SHANK2: variants seen among roughly 807,000 people sequenced by gnomAD.
SHANK2 encodes the protein SH3 and multiple ankyrin repeat domains 2.
In SHANK2, 43 loss-of-function variants were observed where a neutral mutation model predicts 133.7. That is an observed-to-expected ratio of 0.32 (90% confidence interval 0.25 to 0.41). SHANK2 has a LOEUF of 0.41. Ranked by LOEUF, SHANK2 falls within the 10% of genes least tolerant of loss-of-function variation. The pLI is 1.00. For missense variants in SHANK2, 1,994 were observed against 2,235.8 expected (o/e 0.89, Z 2.18); for synonymous variants, 1,017 against 952.8 (o/e 1.07, Z -1.24).
At chr11:70,847,250 G>C (rs1949010955) in intron 11 of SHANK2, among the ~76,000 whole-genome samples, 1 of 152,190 alleles carries the variant, frequency 6.6e-6, no homozygotes, top group Admixed American at 6.5e-5. Context: ...CCCCGCGGGA[G>C]GCCGTCCCTC....
At chr11:70,552,380 G>A (rs1230983767) in intron 17 of SHANK2, among the ~76,000 whole-genome samples, 15 of 152,212 alleles carry the variant, frequency 9.9e-5, no homozygotes, top group Admixed American at 2.6e-4. Flanking sequence ...CGTGCACCAA[G>A]CTCAGGGAGA....
At chr11:70,900,809 A>G (rs1177483843) in intron 10 of SHANK2, among the ~76,000 whole-genome samples, 1 of 152,168 alleles carries the variant, frequency 6.6e-6, no homozygotes, top group Non-Finnish European at 1.5e-5. Context: ...GGTTCCCAGT[A>G]AAAGTCTTCT....
chr11:70,713,872 G>A (rs1353319430), intron 14 of SHANK2, among the ~76,000 whole-genome samples: 1 of 152,262 alleles, frequency 6.6e-6, no homozygotes, highest in Non-Finnish European at 1.5e-5. Context: ...GGCCTCTGCT[G>A]TACAGGTGAA....
At chr11:70,549,797 G>C (rs1350252557) in intron 17 of SHANK2, among the ~76,000 whole-genome samples, 1 of 152,270 alleles carries the variant, frequency 6.6e-6, no homozygotes, top group East Asian at 1.9e-4. Context: ...GGTGCTCGAG[G>C]AAACAGAGCT....
intron 1 of SHANK2, among the ~76,000 whole-genome samples, chr11:71,230,730 T>A (rs1412011775): frequency 6.6e-6 from 1 of 151,880 alleles, no homozygotes; most frequent in Non-Finnish European, 1.5e-5. Context: ...GACAGGCACA[T>A]AGCAATAGAA....
intron 11 of SHANK2, among the ~76,000 whole-genome samples, chr11:70,877,329 T>G (rs1225389035): frequency 6.6e-6 from 1 of 152,226 alleles, no homozygotes; most frequent in Admixed American, 6.5e-5. Flanking sequence ...TGACCTCACA[T>G]AAGCCAAGAG....
At chr11:71,173,932 C>T (rs1402902502) in intron 2 of SHANK2, among the ~76,000 whole-genome samples, 2 of 152,192 alleles carry the variant, frequency 1.3e-5, no homozygotes, top group African/African-American at 2.4e-5. Flanking sequence ...GAAGTGAGCA[C>T]GGCCCTGCCG....
chr11:70,732,173 C>T (rs906360312), intron 14 of SHANK2, among the ~76,000 whole-genome samples: 43 of 152,258 alleles, frequency 2.8e-4, no homozygotes, highest in African/African-American at 9.9e-4. Context: ...TGTAACTCGC[C>T]CAACATCACA....
At chr11:71,197,019 A>C (rs1953919223) in intron 2 of SHANK2, among the ~76,000 whole-genome samples, 2 of 139,100 alleles carry the variant, frequency 1.4e-5, no homozygotes, top group East Asian at 2.3e-4. Flanking sequence ...AAAAAAAAAA[A>C]CCCATCCCTG....
chr11:70,689,196 CAG>C (rs1945223408), intron 15 of SHANK2, among the ~76,000 whole-genome samples: 1 of 152,144 alleles, frequency 6.6e-6, no homozygotes, highest in Admixed American at 6.5e-5. Flanking sequence ...TGGACAGTAA[CAG>C]TGTGATTGAC....
intron 10 of SHANK2, among the ~76,000 whole-genome samples, chr11:70,930,351 G>A (rs1950485332): frequency 6.6e-6 from 1 of 152,106 alleles, no homozygotes; most frequent in Non-Finnish European, 1.5e-5. Flanking sequence ...GAAGAAACTG[G>A]GGCAAATTGA....
chr11:71,165,872 A>G (rs1445117425), intron 2 of SHANK2, among the ~76,000 whole-genome samples: 1 of 152,104 alleles, frequency 6.6e-6, no homozygotes, highest in African/African-American at 2.4e-5. Flanking sequence ...CCAACTCCTC[A>G]GGACCCAGTG....
intron 11 of SHANK2, among the ~76,000 whole-genome samples, chr11:70,829,649 G>A (rs1005318587): frequency 6.6e-6 from 1 of 152,074 alleles, no homozygotes; most frequent in Non-Finnish European, 1.5e-5. Flanking sequence ...GACACAAGAC[G>A]ATTTGAGGAA....
intron 2 of SHANK2, among the ~76,000 whole-genome samples, chr11:71,152,403 C>T (rs1416948861): frequency 6.6e-6 from 1 of 152,164 alleles, no homozygotes; most frequent in Non-Finnish European, 1.5e-5. Flanking sequence ...CGTGAGCCAC[C>T]GCGCCTGGCC....
chr11:70,800,317 C>T (rs557948171), intron 13 of SHANK2, among the ~76,000 whole-genome samples: 8 of 152,362 alleles, frequency 5.3e-5, no homozygotes, highest in South Asian at 4.1e-4. Context: ...TGAGCCACTG[C>T]GCCGGTCTGT....
intron 1 of SHANK2, among the ~76,000 whole-genome samples, chr11:71,250,421 T>A (rs1948159073): frequency 6.6e-6 from 1 of 151,460 alleles, no homozygotes; most frequent in South Asian, 2.1e-4. Flanking sequence ...AGGACAAGAG[T>A]CTCCCTCAAG....
intron 15 of SHANK2, among the ~76,000 whole-genome samples, chr11:70,672,213 G>A (rs1338202619): frequency 2.6e-5 from 4 of 151,872 alleles, no homozygotes; most frequent in African/African-American, 9.7e-5. Context: ...ACAGGTGCCC[G>A]CCACCATGCC....
At chr11:70,784,203 G>T (rs1947585177) in intron 14 of SHANK2, among the ~76,000 whole-genome samples, 1 of 151,304 alleles carries the variant, frequency 6.6e-6, no homozygotes, top group Non-Finnish European at 1.5e-5. Context: ...TTGAGACAGA[G>T]TCTCGTTCTG....
intron 11 of SHANK2, among the ~76,000 whole-genome samples, chr11:70,824,505 G>A (rs1240582653): frequency 6.6e-6 from 1 of 152,132 alleles, no homozygotes; most frequent in African/African-American, 2.4e-5. Context: ...AGGCTGGCCG[G>A]GGAGAGACAA....
Sources: allele counts gnomAD v4.1 joint callset (sites outside exome capture counted in the v4.1 genomes callset), GRCh38; gene constraint gnomAD v4.1.1; transcripts MANE v1.5; gene names NCBI Gene and HGNC (gene_info 2026-07-23, HGNC 2026-07-21).